The following TMEM132B variants were observed in gnomAD, a reference collection of about 807,000 sequenced individuals.
TMEM132B encodes the protein transmembrane protein 132B.
A neutral mutation model predicts 90.8 loss-of-function variants in TMEM132B; 18 were observed. The observed-to-expected ratio is 0.20, with a 90% CI of 0.14 to 0.29. The LOEUF is 0.29. Among genes scored for constraint, TMEM132B ranks in the 10% least tolerant of loss-of-function variants. TMEM132B has a pLI of 1.00. For synonymous variants in TMEM132B, 504 were observed against 523.3 expected (o/e 0.96, Z 0.50); for missense variants, 1,096 against 1,326.8 (o/e 0.83, Z 2.70).
At chr12:125,294,023 A>T (rs75511178) in intron 1 of TMEM132B, among the ~76,000 whole-genome samples, 1 of 152,216 alleles carries the variant, frequency 6.6e-6, no homozygotes, top group African/African-American at 2.4e-5. Context: ...CCAGCCTTGC[A>T]GCCAGCAAGC....
chr12:125,257,146 T>C (rs1305324912), intron 1 of TMEM132B, among the ~76,000 whole-genome samples: 2 of 151,992 alleles, frequency 1.3e-5, no homozygotes, highest in African/African-American at 4.8e-5. Context: ...ACTCCAACTC[T>C]CAGAAACAAA....
intron 1 of TMEM132B, among the ~76,000 whole-genome samples, chr12:125,280,704 T>G (rs571995043): frequency 6.6e-6 from 1 of 152,216 alleles, no homozygotes; most frequent in South Asian, 2.1e-4. Context: ...ACCCAGGCAC[T>G]GGGAAGCCAG....
At chr12:125,362,992 A>G (rs1354507824) in intron 2 of TMEM132B, among the ~76,000 whole-genome samples, 2 of 152,088 alleles carry the variant, frequency 1.3e-5, no homozygotes, top group Admixed American at 6.5e-5. Context: ...ATCAGTGGGC[A>G]TTAGTTTGCC....
chr12:125,333,914 A>G (rs1876872701), intron 1 of TMEM132B, among the ~76,000 whole-genome samples: 1 of 152,046 alleles, frequency 6.6e-6, no homozygotes, highest in African/African-American at 2.4e-5. Flanking sequence ...GCATGGTTAT[A>G]TTTCTGCTGG....
intron 4 of TMEM132B, among the ~76,000 whole-genome samples, chr12:125,563,061 C>T (rs1356939118): frequency 6.6e-6 from 1 of 151,726 alleles, no homozygotes; most frequent in Non-Finnish European, 1.5e-5. Context: ...GTTAAGTTTG[C>T]ATCTCACATA....
intron 4 of TMEM132B, among the ~76,000 whole-genome samples, chr12:125,559,988 G>T (rs112725254): frequency 6.6e-6 from 1 of 152,152 alleles, no homozygotes; most frequent in Admixed American, 6.5e-5. Context: ...CGAATCCAGC[G>T]CTGCCAGCCT....
rs915694899 is a variant in TMEM132B, at chr12:125,251,515, G to T, written c.67+64649G>T. On this transcript the variant is annotated intron_variant, in intron 1 of 8. Coordinates refer to ENST00000682704, the MANE Select transcript of TMEM132B (RefSeq NM_001366854.1). The surrounding 1 kb of genome is among the most constrained non-coding windows in gnomAD (Gnocchi z 4.4). ...GAAGAAGTCTGGGTTTAAGAAATTC[G>T]CTGCTCTCTGCCTATCTTTGAACTC... Among the ~76,000 whole-genome samples, 2 of 152,130 alleles carry T rather than the reference G, an allele frequency of 1.3e-5. No individual in the cohort carries two copies. The highest frequency in any genetic ancestry group is 1.3e-4 in the Admixed American group (2 of 15,266).
At chr12:125,640,183 A>G (rs978387437) in intron 5 of TMEM132B, among the ~76,000 whole-genome samples, 5 of 152,206 alleles carry the variant, frequency 3.3e-5, no homozygotes, top group Non-Finnish European at 7.3e-5. Context: ...CTCACAGCTC[A>G]CTGGCCAGAG....
intron 1 of TMEM132B, among the ~76,000 whole-genome samples, chr12:125,328,436 A>G (rs1456597683): frequency 1.3e-5 from 2 of 152,164 alleles, no homozygotes; most frequent in South Asian, 4.1e-4. Context: ...GGCATCCATC[A>G]TACGTTTATT....
chr12:125,329,891 A>C (rs1438927396), intron 1 of TMEM132B, among the ~76,000 whole-genome samples: 2 of 152,226 alleles, frequency 1.3e-5, no homozygotes, highest in Non-Finnish European at 2.9e-5. Context: ...CCCGATCTTC[A>C]CTGGAAGGAA....
chr12:125,523,032 G>A, intron 4 of TMEM132B, among the ~76,000 whole-genome samples: 1 of 152,116 alleles, frequency 6.6e-6, no homozygotes. Flanking sequence ...CTTGCTGGAT[G>A]TTTTTTCAGC....
At chr12:125,189,832 G>A (rs1571883) in intron 1 of TMEM132B, among the ~76,000 whole-genome samples, 15,671 of 152,116 alleles carry the variant, frequency 0.1, 896 homozygotes, top group African/African-American at 0.13. Flanking sequence ...TCTCTGGGCC[G>A]GCAAAGCCCT....
intron 1 of TMEM132B, among the ~76,000 whole-genome samples, chr12:125,305,837 T>C (rs951343074): frequency 1.3e-5 from 2 of 152,250 alleles, no homozygotes; most frequent in African/African-American, 4.8e-5. Context: ...AGTTTCCATC[T>C]TTCTCTATTG....
intron 1 of TMEM132B, among the ~76,000 whole-genome samples, chr12:125,222,581 A>C (rs2034262364): frequency 6.6e-6 from 1 of 152,224 alleles, no homozygotes; most frequent in Non-Finnish European, 1.5e-5. Flanking sequence ...TAAATGTCCA[A>C]ACATGAAAAT....
chr12:125,341,242 T>C (rs988381338), intron 1 of TMEM132B, among the ~76,000 whole-genome samples: 1 of 152,204 alleles, frequency 6.6e-6, no homozygotes, highest in African/African-American at 2.4e-5. Flanking sequence ...CTTAGGCAAG[T>C]CACATAACTG....
rs55959985 is a variant in TMEM132B at position 125,607,607 on chromosome 12, A to C, written c.1437+23613A>C. On this transcript the variant is annotated intron_variant, in intron 5 of 8. Coordinates refer to ENST00000682704, the MANE Select transcript of TMEM132B (RefSeq NM_001366854.1). ...TTTAGTTTAACACTCATAACAGTAC[A>C]AAATTAGCATATAAAATATGGACTG... Among the ~76,000 whole-genome samples, 1,405 of 152,356 alleles carry C rather than the reference A, an allele frequency of 9.2e-3. 22 individuals are homozygous for C. Among genetic ancestry groups the C allele is most frequent in the African/African-American group, 0.031 (1,302 of 41,582 alleles).
chr12:125,538,464 C>G (rs1028045393), intron 4 of TMEM132B, among the ~76,000 whole-genome samples: 10 of 152,182 alleles, frequency 6.6e-5, no homozygotes, highest in African/African-American at 2.4e-4. Context: ...AAGCACATCT[C>G]AAGTGATCAG....
intron 5 of TMEM132B, among the ~76,000 whole-genome samples, chr12:125,635,336 C>G (rs1474203687): frequency 1.3e-5 from 2 of 152,158 alleles, no homozygotes; most frequent in East Asian, 3.9e-4. Flanking sequence ...GTTCCCCTCC[C>G]TGTGTCCATG....
chr12:125,330,853 G>A (rs927271203), intron 1 of TMEM132B, among the ~76,000 whole-genome samples: 3 of 152,202 alleles, frequency 2.0e-5, no homozygotes, highest in African/African-American at 7.2e-5. Flanking sequence ...ACCAGCCTGG[G>A]CAACACAGTG....
Sources: gnomAD v4.1 joint callset for allele counts (sites outside exome capture counted in the v4.1 genomes callset) on GRCh38, gnomAD v4.1.1 for gene constraint, Gnocchi (gnomAD v3.1) non-coding constraint, MANE v1.5 for transcripts, NCBI Gene and HGNC (gene_info 2026-07-23, HGNC 2026-07-21) for gene names.